ACER1: variants seen among roughly 807,000 people sequenced by gnomAD.
ACER1 encodes the protein CTB-180A7.3.
In ACER1, 28 loss-of-function variants were observed where a neutral mutation model predicts 24.9. The observed-to-expected ratio is 1.13, with a 90% CI of 0.83 to 1.54. The LOEUF (loss-of-function observed/expected upper bound fraction) is 1.54, where lower values mean the gene tolerates loss of function less well. ACER1 is among the 40% of genes most tolerant of loss of function. The pLI, the probability that ACER1 is intolerant of heterozygous loss-of-function variation, is 0.00. For synonymous variants in ACER1, 132 were observed against 131.4 expected, an observed-to-expected ratio of 1.00 and a Z score of -0.03; for missense variants, 352 against 349.3, an observed-to-expected ratio of 1.01 and a Z score of -0.06.
At chr19:6,355,163 C>T in the ACER1 span, among the ~76,000 whole-genome samples, 3 of 152,108 alleles carry the variant, frequency 2.0e-5, no homozygotes, top group African/African-American at 7.2e-5. Flanking sequence ...GGCGTGATCT[C>T]GGCTTGCTAC....
chr19:6,352,764 T>C, the ACER1 span, among the ~76,000 whole-genome samples: 1 of 152,240 alleles, frequency 6.6e-6, no homozygotes. Context: ...GCAATGTCCA[T>C]GAGCCATTCA....
chr19:6,333,484 T>C lies in ACER1; in HGVS notation c.68A>G (p.Glu23Gly). 1 of 1,591,862 alleles carries C rather than the reference T, an allele frequency of 6.3e-7. No homozygotes were observed. Among genetic ancestry groups the C allele is most frequent in the Non-Finnish European group, 8.6e-7 (1 of 1,168,560 alleles). ...CGTGTTGTAGAACTCGGCCACCAGC[T>C]CCGAGTACTGGAAGTTGCTCTCACA... ...DWCESNFQYS[E>G]LVAEFYNTFS... Residue 23 changes from glutamate to glycine, a missense_variant, in exon 1 of 6, where the codon GAG becomes GGG. Glu to Gly is a moderately conservative substitution (Grantham distance 98). Coordinates refer to ENST00000301452, the MANE Select transcript of ACER1 (RefSeq NM_133492.3).
intron 4 of ACER1, among the ~76,000 whole-genome samples, chr19:6,308,031 C>T (rs1032534818): frequency 4.6e-5 from 7 of 151,878 alleles, no homozygotes; most frequent in Non-Finnish European, 8.8e-5. Context: ...TGCAATGAGC[C>T]GGGATTGCGC....
intron 1 of ACER1, among the ~76,000 whole-genome samples, chr19:6,327,218 G>T (rs2091665496): frequency 6.6e-6 from 1 of 152,170 alleles, no homozygotes; most frequent in Non-Finnish European, 1.5e-5. Context: ...ATCGCCTGAG[G>T]TCAGGAGTTT....
chr19:6,329,264 G>C (rs565091828), intron 1 of ACER1, among the ~76,000 whole-genome samples: 5 of 152,040 alleles, frequency 3.3e-5, no homozygotes, highest in African/African-American at 1.2e-4. Context: ...ACTCAGAAGC[G>C]TTTTGGAGGA....
the ACER1 span, among the ~76,000 whole-genome samples, chr19:6,347,109 A>ATATATATATATAT: frequency 4.4e-5 from 5 of 113,822 alleles, no homozygotes; most frequent in African/African-American, 2.5e-4. Flanking sequence ...AAAAAAAAAA[A>ATATATATATATAT]ATATATATAT....
intron 1 of ACER1, among the ~76,000 whole-genome samples, chr19:6,325,064 A>C (rs2091654364): frequency 6.6e-6 from 1 of 151,772 alleles, no homozygotes; most frequent in African/African-American, 2.4e-5. Context: ...CACACTGCTG[A>C]CTTCTGTTCC....
At chr19:6,340,012 A>G in the ACER1 span, among the ~76,000 whole-genome samples, 1 of 151,324 alleles carries the variant, frequency 6.6e-6, no homozygotes, top group African/African-American at 2.4e-5. Flanking sequence ...GTGGTGGCTC[A>G]CACATGTAAT....
chr19:6,306,521 A>T lies in ACER1; in HGVS notation c.*193T>A. ...CACGAGACAGCCCCCCACAGTCACC[A>T]GGCTGCTGCTCAGAGATGTCACAAA... On this transcript the variant is annotated 3_prime_UTR_variant, in exon 6 of 6. Transcript: ENST00000301452. The T allele has an allele frequency of 3.3e-6, 2 of 604,628 alleles. No homozygotes were observed. The highest frequency in any genetic ancestry group is 5.5e-6 in the Non-Finnish European group (2 of 365,998). 37.5% of individuals were successfully genotyped at this position (604,628 alleles called of 1,614,324 possible). A position where few individuals can be genotyped will look rare whatever the true frequency, so the allele number is the denominator to read the frequency against.
At chr19:6,358,994 G>T in the ACER1 span, among the ~76,000 whole-genome samples, 3 of 150,696 alleles carry the variant, frequency 2.0e-5, no homozygotes, top group Non-Finnish European at 2.9e-5. Flanking sequence ...CAGTTTGGAA[G>T]GCTGAGGCAG....
At chr19:6,312,065 G>A (rs942191313) in intron 3 of ACER1, 84 bp downstream of exon 3, 2 of 1,508,636 alleles carry the variant, frequency 1.3e-6, no homozygotes. Flanking sequence ...CAAGGGTGGG[G>A]ACCCAGGGGA....
At chr19:6,346,867 C>T in the ACER1 span, among the ~76,000 whole-genome samples, 1 of 151,792 alleles carries the variant, frequency 6.6e-6, no homozygotes, top group Non-Finnish European at 1.5e-5. Flanking sequence ...TCTCTGCCCA[C>T]CCCCTTCTTT....
chr19:6,342,996 C>T, the ACER1 span, among the ~76,000 whole-genome samples: 8 of 152,060 alleles, frequency 5.3e-5, no homozygotes, highest in East Asian at 2.0e-4. Flanking sequence ...AGGCTGGTCT[C>T]GAACTCCCGA....
intron 1 of ACER1, among the ~76,000 whole-genome samples, chr19:6,327,942 G>A (rs1328350157): frequency 6.6e-6 from 1 of 151,820 alleles, no homozygotes; most frequent in Non-Finnish European, 1.5e-5. Context: ...TGGGCATGGT[G>A]GTGCTCATCT....
intron 1 of ACER1, among the ~76,000 whole-genome samples, chr19:6,328,369 T>C (rs2145016454): frequency 6.6e-6 from 1 of 151,756 alleles, no homozygotes; most frequent in East Asian, 2.0e-4. Flanking sequence ...CAGGTGCCTG[T>C]AGTCCCAGCT....
intron 4 of ACER1, 137 bp from the exon 5 acceptor site, chr19:6,307,427 G>C: frequency 2.1e-6 from 2 of 952,388 alleles, no homozygotes; most frequent in Non-Finnish European, 3.1e-6. Flanking sequence ...GGTGCAAGCA[G>C]AGGGGGCCCA....
upstream of ACER1, among the ~76,000 whole-genome samples, chr19:6,337,175 C>CAAAA (rs56792886): frequency 7.5e-5 from 9 of 119,880 alleles, no homozygotes; most frequent in Admixed American, 1.8e-4. Flanking sequence ...GACTCCCTCT[C>CAAAA]AAAAAAAAAA....
At chr19:6,349,700 C>G in the ACER1 span, among the ~76,000 whole-genome samples, 1 of 152,166 alleles carries the variant, frequency 6.6e-6, no homozygotes. Flanking sequence ...CACCCAGTCA[C>G]TGGCTGTGGG....
chr19:6,349,379 GGGAA>G, the ACER1 span, among the ~76,000 whole-genome samples: 7 of 146,112 alleles, frequency 4.8e-5, no homozygotes, highest in Non-Finnish European at 7.5e-5. Flanking sequence ...GAAGGAGGGA[GGGAA>G]GGAAGGAGGG....
Sources: allele counts gnomAD v4.1 joint callset (sites outside exome capture counted in the v4.1 genomes callset), GRCh38; gene constraint gnomAD v4.1.1; transcripts MANE v1.5; gene names NCBI Gene and HGNC (gene_info 2026-07-23, HGNC 2026-07-21).